RBFOX1: variants seen among roughly 807,000 people sequenced by gnomAD.
RBFOX1 encodes RNA binding protein fox-1 homolog 1.
In RBFOX1, 8 loss-of-function variants were observed where a neutral mutation model predicts 57.7. The ratio of observed to expected loss-of-function variants is 0.14; its 90% confidence interval spans 0.08 to 0.25. The LOEUF is 0.25. Among genes scored for constraint, RBFOX1 ranks in the 10% least tolerant of loss-of-function variants. The pLI, the probability that RBFOX1 is intolerant of heterozygous loss-of-function variation, is 1.00. For synonymous variants in RBFOX1, 326 were observed against 222.4 expected (o/e 1.47, Z -4.15); for missense variants, 611 against 548.5 (o/e 1.11, Z -1.14).
At chr16:6,844,512 C>T (rs182168730) in intron 3 of RBFOX1, among the ~76,000 whole-genome samples, 2 of 152,034 alleles carry the variant, frequency 1.3e-5, no homozygotes, top group African/African-American at 2.4e-5. Flanking sequence ...AAGATATGAC[C>T]TTATTCTTTT....
intron 4 of RBFOX1, among the ~76,000 whole-genome samples, chr16:7,329,929 C>T (rs1044620988): frequency 6.6e-6 from 1 of 152,162 alleles, no homozygotes; most frequent in Non-Finnish European, 1.5e-5. Flanking sequence ...AGCATATATA[C>T]ACACAGTCAC....
intron 5 of RBFOX1, among the ~76,000 whole-genome samples, chr16:7,519,265 T>G (rs2077029562): frequency 6.6e-6 from 1 of 152,144 alleles, no homozygotes; most frequent in Non-Finnish European, 1.5e-5. Context: ...CTAATACATT[T>G]GAGATTCATC....
Position 7,212,325 on chromosome 16 carries a change from C to A in RBFOX1, c.27+160227C>A, listed in dbSNP as rs139050963. On this transcript the variant is annotated intron_variant, in intron 4 of 15. Coordinates refer to ENST00000550418, the MANE Select transcript of RBFOX1 (RefSeq NM_018723.4). The stretch of plus-strand genomic sequence containing the variant: ...GCTGTTCCAATATTGGGATGGTTCC[C>A]TACCCTCAGGAAAGTATTCGCTTGC... Among the ~76,000 whole-genome samples, 623 of 152,236 alleles carry A rather than the reference C, an allele frequency of 4.1e-3. 10 individuals carry two copies. Among genetic ancestry groups the A allele is most frequent in the African/African-American group, 0.014 (576 of 41,538 alleles).
At chr16:5,757,795 G>C (rs2053452641) in intron 3 of RBFOX1, among the ~76,000 whole-genome samples, 1 of 152,226 alleles carries the variant, frequency 6.6e-6, no homozygotes, top group African/African-American at 2.4e-5. Context: ...AAGTGGAGGA[G>C]CAGATTCTTC....
chr16:5,747,388 G>A lies in RBFOX1; in HGVS notation c.319-119915G>A, dbSNP rs541789210. 3.9e-5 allele frequency among the ~76,000 whole-genome samples: 6 copies of A among 152,254 alleles called. No individual in the cohort carries two copies. The South Asian group carries it at 6.2e-4, about 16-fold the overall frequency. Reference sequence around the variant, plus strand: ...TGCCAGGCTTTGGTATCAGGATGACGCTGGCCTCATAAAATGAGTTAGGGA... The same window carrying A: ...TGCCAGGCTTTGGTATCAGGATGACACTGGCCTCATAAAATGAGTTAGGGA... On this transcript the variant is annotated intron_variant, in intron 3 of 19. Transcript: ENST00000641259.
At chr16:7,534,749 G>A (rs1055891269) in intron 5 of RBFOX1, among the ~76,000 whole-genome samples, 3 of 149,372 alleles carry the variant, frequency 2.0e-5, no homozygotes, top group East Asian at 2.0e-4. Flanking sequence ...TCCACTCGTA[G>A]CAGAAGAAAA....
chr16:5,588,397 A>T (rs1027448579), intron 2 of RBFOX1, among the ~76,000 whole-genome samples: 1 of 152,172 alleles, frequency 6.6e-6, no homozygotes, highest in Non-Finnish European at 1.5e-5. Context: ...GAATTGTGGC[A>T]CAGAGGCCGA....
intron 1 of RBFOX1, among the ~76,000 whole-genome samples, chr16:6,292,204 A>G (rs111420470): frequency 0.14 from 20,751 of 152,034 alleles, 1,719 homozygotes; most frequent in Non-Finnish European, 0.17. Context: ...AGGCTGCAGT[A>G]AGCCATGATC....
intron 3 of RBFOX1, among the ~76,000 whole-genome samples, chr16:5,817,308 C>T (rs751660029): frequency 1.3e-5 from 2 of 152,160 alleles, no homozygotes. Context: ...CCCAGTTCCC[C>T]TCACATTTCT....
chr16:5,706,149 G>C (rs1002976002), intron 3 of RBFOX1, among the ~76,000 whole-genome samples: 1 of 152,208 alleles, frequency 6.6e-6, no homozygotes, highest in Non-Finnish European at 1.5e-5. Context: ...GACCTCAACT[G>C]ATCTGCCAGC....
intron 4 of RBFOX1, among the ~76,000 whole-genome samples, chr16:7,429,508 C>T (rs1167108360): frequency 1.3e-5 from 2 of 152,196 alleles, no homozygotes; most frequent in Non-Finnish European, 2.9e-5. Context: ...ATGATATTAC[C>T]TTGAATTTTA....
At chr16:6,044,378 G>C (rs1020692493) in intron 1 of RBFOX1, among the ~76,000 whole-genome samples, 12 of 151,860 alleles carry the variant, frequency 7.9e-5, no homozygotes, top group Non-Finnish European at 1.5e-4. Flanking sequence ...CTCTCTTTGA[G>C]TTCCTCCTGG....
intron 2 of RBFOX1, among the ~76,000 whole-genome samples, chr16:5,595,538 T>C (rs1283760569): frequency 1.3e-5 from 2 of 152,144 alleles, no homozygotes; most frequent in African/African-American, 2.4e-5. Flanking sequence ...GTTTGGGATC[T>C]AAAAAGGGTT....
intron 4 of RBFOX1, among the ~76,000 whole-genome samples, chr16:5,943,777 A>G (rs1174290815): frequency 1.3e-5 from 2 of 152,160 alleles, no homozygotes; most frequent in Non-Finnish European, 2.9e-5. Context: ...ATTACCATTC[A>G]CATTCACCCA....
At chr16:6,266,270 C>G (rs910462115) in intron 1 of RBFOX1, among the ~76,000 whole-genome samples, 2 of 152,182 alleles carry the variant, frequency 1.3e-5, no homozygotes, top group African/African-American at 4.8e-5. Context: ...AATAAATCTT[C>G]ACTGCTGCAA....
chr16:6,079,425 C>T (rs1355495951), intron 1 of RBFOX1, among the ~76,000 whole-genome samples: 1 of 152,254 alleles, frequency 6.6e-6, no homozygotes, highest in Non-Finnish European at 1.5e-5. Flanking sequence ...GATCTTCCTA[C>T]TTCAGCCTCC....
chr16:5,732,786 A>G (rs2052427979), intron 3 of RBFOX1, among the ~76,000 whole-genome samples: 1 of 152,138 alleles, frequency 6.6e-6, no homozygotes, highest in African/African-American at 2.4e-5. Flanking sequence ...GTGGAGAACA[A>G]AGCCGGGCTT....
At chr16:5,676,496 C>T (rs376827667) in intron 3 of RBFOX1, among the ~76,000 whole-genome samples, 1 of 152,152 alleles carries the variant, frequency 6.6e-6, no homozygotes, top group African/African-American at 2.4e-5. Flanking sequence ...CTCTGAGATT[C>T]AGTTTTTCCA....
chr16:6,786,127 T>A (rs1389483051), intron 3 of RBFOX1, among the ~76,000 whole-genome samples: 2 of 152,110 alleles, frequency 1.3e-5, no homozygotes, highest in African/African-American at 4.8e-5. Flanking sequence ...TCTGCATGAC[T>A]TTGGGTCCCC....
Sources: gnomAD v4.1 joint callset for allele counts (sites outside exome capture counted in the v4.1 genomes callset) on GRCh38, gnomAD v4.1.1 for gene constraint, MANE v1.5 for transcripts, NCBI Gene and HGNC (gene_info 2026-07-23, HGNC 2026-07-21) for gene names.